Variants in DAO observed in about 807,000 individuals in gnomAD.
The protein encoded by DAO is D-amino acid oxidase.
DAO carries 51 observed loss-of-function variants against 50.1 expected under a neutral mutation model. The observed-to-expected ratio is 1.02, with a 90% confidence interval of 0.81 to 1.29. The LOEUF (loss-of-function observed/expected upper bound fraction) is 1.29, where lower values mean the gene tolerates loss of function less well. DAO is among the 50% of genes most tolerant of loss of function. The probability of loss-of-function intolerance (pLI) is 0.00; values close to 1 mark genes in which losing one functional copy is unlikely to be tolerated. For synonymous variants in DAO, 160 were observed against 166.2 expected (o/e 0.96, Z 0.29); for missense variants, 436 against 439.4 (o/e 0.99, Z 0.07).
chr12:108,896,901 A>G (rs1030049910), intron 7 of DAO, 105 bp from the exon 8 acceptor site: 2 of 843,418 alleles, frequency 2.4e-6, no homozygotes, highest in African/African-American at 3.3e-5. Context: ...TCTTATAAGG[A>G]ATCAGCCTGG....
In DAO at chr12:108,898,756, C is replaced by A; in HGVS notation, c.773C>A (p.Thr258Asn). 1 of 1,613,960 alleles carries A rather than the reference C, an allele frequency of 6.2e-7. No homozygotes were observed. Among genetic ancestry groups the A allele is most frequent in the Non-Finnish European group, 8.5e-7 (1 of 1,179,934 alleles). ...CTAAACAATATCCAGGACCACAACA[C>A]CATTTGGGAAGGCTGCTGCAGACTG... ...SELNNIQDHN[T>N]IWEGCCRLEP... Residue 258 changes from threonine (T) to asparagine (N), a missense_variant, in exon 9 of 11, where the codon ACC (threonine) becomes AAC (asparagine). By Grantham distance (65) the Thr-to-Asn change is moderately conservative. Transcript: ENST00000228476.
At chr12:108,880,261 G>T (rs1396092704) in intron 1 of DAO, 37 bp downstream of exon 1, 3 of 399,392 alleles carry the variant, frequency 7.5e-6, no homozygotes, top group Non-Finnish European at 1.5e-5. Context: ...GGGGACAGGG[G>T]TTGGGAGAGG....
chr12:108,897,946 C>CA (rs56246314), intron 8 of DAO, among the ~76,000 whole-genome samples: 2,423 of 128,990 alleles, frequency 0.019, 30 homozygotes, highest in Non-Finnish European at 0.021. Flanking sequence ...GACCCCATCT[C>CA]AAAAAAAAAA....
intron 5 of DAO, among the ~76,000 whole-genome samples, chr12:108,891,454 A>G (rs938929629): frequency 6.6e-6 from 1 of 151,728 alleles, no homozygotes; most frequent in African/African-American, 2.4e-5. Context: ...TGTCTCAAAA[A>G]AAAAAAAAAA....
intron 8 of DAO, 105 bp from the exon 9 acceptor site, chr12:108,898,574 G>C (rs1566040480): frequency 1.2e-6 from 1 of 809,592 alleles, no homozygotes; most frequent in East Asian, 2.4e-5. Flanking sequence ...TTGAGGTAGT[G>C]ATGGTGGTGG....
At chr12:108,889,933 TC>T (rs957442049) in intron 4 of DAO, among the ~76,000 whole-genome samples, 3 of 152,028 alleles carry the variant, frequency 2.0e-5, no homozygotes, top group African/African-American at 4.8e-5. Flanking sequence ...TCTCTGGTCT[TC>T]TCCTCACCCC....
chr12:108,890,302 G>A (rs765586854), intron 5 of DAO, 29 bp downstream of exon 5: 16 of 1,582,478 alleles, frequency 1.0e-5, no homozygotes, highest in Non-Finnish European at 1.4e-5. Flanking sequence ...CTTTGAGGGA[G>A]GTACCTCCCA....
chr12:108,895,569 T>C (rs2039543514), intron 7 of DAO, among the ~76,000 whole-genome samples: 1 of 149,680 alleles, frequency 6.7e-6, no homozygotes, highest in Middle Eastern at 3.2e-3. Context: ...TGAAGGTGTG[T>C]GCGCATGTGA....
chr12:108,898,382 TGTC>T (rs1489685803), intron 8 of DAO: 1 of 410,478 alleles, frequency 2.4e-6, no homozygotes, highest in Non-Finnish European at 4.6e-6. Context: ...ATGTTACTGG[TGTC>T]GTGGAGATGA....
At chr12:108,883,856 G>A (rs753617370) in intron 1 of DAO, 20 of 292,786 alleles carry the variant, frequency 6.8e-5, no homozygotes, top group Admixed American at 2.1e-4. Context: ...GGCTGGAGCC[G>A]TTTTCCCTCC....
intron 2 of DAO, among the ~76,000 whole-genome samples, 182 bp downstream of exon 2, chr12:108,885,382 G>A (rs540936777): frequency 9.3e-4 from 141 of 152,296 alleles, no homozygotes; most frequent in African/African-American, 3.2e-3. Context: ...GTCGAGGTGG[G>A]AGGATCACTT....
At chr12:108,893,767 TTGAGA>T (rs2039516855) in intron 6 of DAO, among the ~76,000 whole-genome samples, 1 of 152,198 alleles carries the variant, frequency 6.6e-6, no homozygotes, top group Admixed American at 6.5e-5. Context: ...CGATGCGTGC[TTGAGA>T]TGAGATCATC....
At chr12:108,895,628 ATGTG>A (rs201211327) in intron 7 of DAO, among the ~76,000 whole-genome samples, 2,260 of 102,670 alleles carry the variant, frequency 0.022, 69 homozygotes, top group African/African-American at 0.077. Context: ...GTATGTATGC[ATGTG>A]TGTGAGGGTA....
intron 3 of DAO, among the ~76,000 whole-genome samples, chr12:108,889,108 CA>C (rs2039462757): frequency 8.0e-6 from 1 of 124,444 alleles, no homozygotes; most frequent in African/African-American, 3.9e-5. Flanking sequence ...CTGTCATTAT[CA>C]TTTTTTTTTT....
At chr12:108,894,731 T>C (rs1013836003) in intron 7 of DAO, among the ~76,000 whole-genome samples, 1 of 152,136 alleles carries the variant, frequency 6.6e-6, no homozygotes, top group African/African-American at 2.4e-5. Context: ...ATCATTGTTA[T>C]TATTATTTTT....
chr12:108,890,071 C>A (rs895996429), intron 4 of DAO, 137 bp from the exon 5 acceptor site: 1 of 767,126 alleles, frequency 1.3e-6, no homozygotes, highest in African/African-American at 1.7e-5. Flanking sequence ...CCACGTCCCC[C>A]CTTGAACTTC....
intron 3 of DAO, 79 bp from the exon 4 acceptor site, chr12:108,889,390 G>A (rs2039465587): frequency 1.0e-6 from 1 of 970,636 alleles, no homozygotes; most frequent in Non-Finnish European, 1.6e-6. Flanking sequence ...GATTACAGGT[G>A]TGAGCCACCT....
At chr12:108,882,875 C>T (rs2039395472) in intron 1 of DAO, among the ~76,000 whole-genome samples, 1 of 152,124 alleles carries the variant, frequency 6.6e-6, no homozygotes, top group South Asian at 2.1e-4. Context: ...CGGGCGGGTG[C>T]AGTGGCACAC....
At chr12:108,889,877 T>C (rs1466494805) in intron 4 of DAO, among the ~76,000 whole-genome samples, 1 of 152,194 alleles carries the variant, frequency 6.6e-6, no homozygotes, top group Non-Finnish European at 1.5e-5. Context: ...CCAACCAGTC[T>C]GTATGACCCC....
Sources: allele counts gnomAD v4.1 joint callset (sites outside exome capture counted in the v4.1 genomes callset), GRCh38; gene constraint gnomAD v4.1.1; transcripts MANE v1.5; gene names NCBI Gene and HGNC (gene_info 2026-07-23, HGNC 2026-07-21).